MAGI1: variants seen among roughly 807,000 people sequenced by gnomAD.
MAGI1 encodes membrane associated guanylate kinase, WW and PDZ domain containing 1.
In MAGI1, 58 loss-of-function variants were observed where a neutral mutation model predicts 139.9. The observed-to-expected ratio is 0.41, with a 90% CI of 0.34 to 0.52. MAGI1 has a LOEUF of 0.52. MAGI1 is among the 20% of genes least tolerant of loss of function. MAGI1 has a pLI of 0.12. For missense variants in MAGI1, 1,874 were observed against 1,901.6 expected, an observed-to-expected ratio of 0.99 and a Z score of 0.27; for synonymous variants, 812 against 737.9, an observed-to-expected ratio of 1.10 and a Z score of -1.63.
intron 1 of MAGI1, among the ~76,000 whole-genome samples, chr3:66,036,085 G>C (rs983198405): frequency 1.3e-5 from 2 of 152,154 alleles, no homozygotes; most frequent in Admixed American, 1.3e-4. Flanking sequence ...ACTGAGACCT[G>C]CAGCTGCTCC....
At chr3:65,711,656 T>C (rs937940525) in intron 1 of MAGI1, among the ~76,000 whole-genome samples, 2 of 152,058 alleles carry the variant, frequency 1.3e-5, no homozygotes, top group South Asian at 2.1e-4. Flanking sequence ...TCCAATACAA[T>C]TGGTGTCCTG....
chr3:65,425,521 T>C (rs915937583), intron 12 of MAGI1, among the ~76,000 whole-genome samples: 1 of 152,152 alleles, frequency 6.6e-6, no homozygotes, highest in Non-Finnish European at 1.5e-5. Context: ...AAAACATTCA[T>C]CTTTTAGATT....
In MAGI1 at chr3:65,964,339, C is replaced by T. The variant is rs564298238; in HGVS notation, c.313+73657G>A. Among the ~76,000 whole-genome samples, 14 of 152,164 alleles carry T rather than the reference C, an allele frequency of 9.2e-5. No homozygotes were observed. The South Asian group carries it at 2.9e-3, about 32-fold the overall frequency. ...CTCCCTACTGATATCAAAATCAGAC[C>T]CTACAAAGGAGAAAGAAAGGTCATC... On this transcript the variant is annotated intron_variant, in intron 1 of 22. Transcript: ENST00000402939.
chr3:65,705,655 C>A (rs952361841), intron 1 of MAGI1, among the ~76,000 whole-genome samples: 4 of 152,208 alleles, frequency 2.6e-5, no homozygotes, highest in African/African-American at 7.2e-5. Flanking sequence ...CATAACAGAT[C>A]TTGAACATTT....
chr3:65,954,925 C>T (rs2064039496), intron 1 of MAGI1, among the ~76,000 whole-genome samples: 1 of 152,102 alleles, frequency 6.6e-6, no homozygotes, highest in Admixed American at 6.5e-5. Context: ...ACCCTCATAA[C>T]AAAAGAGGTA....
intron 3 of MAGI1, among the ~76,000 whole-genome samples, chr3:65,483,192 A>T (rs577222806): frequency 6.6e-6 from 1 of 152,098 alleles, no homozygotes; most frequent in Admixed American, 6.5e-5. Flanking sequence ...TTGGACAAAA[A>T]CTCTGGCTGT....
intron 1 of MAGI1, among the ~76,000 whole-genome samples, chr3:65,946,318 T>G (rs1306475888): frequency 6.6e-6 from 1 of 152,342 alleles, no homozygotes; most frequent in Admixed American, 6.5e-5. Context: ...GTCAGCGTCT[T>G]GTGGGCTATT....
chr3:65,619,879 T>A (rs905798262), intron 2 of MAGI1: 39 of 985,126 alleles, frequency 4.0e-5, no homozygotes, highest in Non-Finnish European at 4.1e-5. Context: ...GGAACACCAT[T>A]TCTGCTTTCC....
intron 10 of MAGI1, among the ~76,000 whole-genome samples, chr3:65,434,463 A>C (rs1947691921): frequency 6.6e-6 from 1 of 152,222 alleles, no homozygotes; most frequent in East Asian, 1.9e-4. Flanking sequence ...CCAAATTATC[A>C]CTTGCTAAGA....
chr3:65,431,291 T>G (rs945598885), intron 10 of MAGI1, among the ~76,000 whole-genome samples: 1 of 152,168 alleles, frequency 6.6e-6, no homozygotes, highest in Non-Finnish European at 1.5e-5. Context: ...ATGTGCTGCT[T>G]TGGGCCTGGC....
intron 1 of MAGI1, among the ~76,000 whole-genome samples, chr3:65,770,780 C>G (rs1424914691): frequency 6.6e-6 from 1 of 151,978 alleles, no homozygotes; most frequent in South Asian, 2.1e-4. Flanking sequence ...CCTCTGACTC[C>G]CTGGTTCAAG....
chr3:65,864,655 G>A (rs182629567), intron 1 of MAGI1, among the ~76,000 whole-genome samples: 122 of 152,298 alleles, frequency 8.0e-4, no homozygotes, highest in African/African-American at 2.7e-3. Flanking sequence ...AGGAGAAGGT[G>A]AAGAATGGAG....
intron 2 of MAGI1, among the ~76,000 whole-genome samples, chr3:65,497,964 T>C (rs1329960840): frequency 2.0e-5 from 3 of 152,152 alleles, no homozygotes; most frequent in Non-Finnish European, 2.9e-5. Context: ...ATGCTCAGGC[T>C]AGCAGGAGGT....
intron 1 of MAGI1, among the ~76,000 whole-genome samples, chr3:65,732,175 G>C (rs2034258517): frequency 6.6e-6 from 1 of 152,182 alleles, no homozygotes; most frequent in South Asian, 2.1e-4. Flanking sequence ...ACAGAATCTA[G>C]AGAAGAAAAG....
intron 1 of MAGI1, among the ~76,000 whole-genome samples, chr3:66,037,088 G>A (rs1439314397): frequency 6.6e-6 from 1 of 152,166 alleles, no homozygotes; most frequent in African/African-American, 2.4e-5. Flanking sequence ...TCTGCAGCAA[G>A]GGCTCAAACC....
intron 5 of MAGI1, among the ~76,000 whole-genome samples, chr3:65,468,367 CTTTTTTTTTTTT>C (rs71102860): frequency 2.1e-3 from 128 of 61,382 alleles, no homozygotes; most frequent in African/African-American, 8.8e-3. Context: ...AGAGGGTATT[CTTTTTTTTTTTT>C]TTTTTTTTTT....
chr3:65,623,663 T>A (rs971432847), intron 1 of MAGI1, among the ~76,000 whole-genome samples: 6 of 151,832 alleles, frequency 4.0e-5, no homozygotes, highest in African/African-American at 1.5e-4. Context: ...TCAAAAAGAG[T>A]AAATCATGAG....
rs1224218025 is a variant in MAGI1, at chr3:65,905,526, G to C, written c.313+132470C>G. 4.0e-5 allele frequency among the ~76,000 whole-genome samples: 6 copies of C among 150,408 alleles called. No homozygotes were observed. In the South Asian group the frequency reaches 1.1e-3, roughly 26 times the overall value. Reference sequence around the variant, plus strand: ...AAAAATTCTTTTTCTTATTTTTTTAGAGACAGGGTCTCACTCTGTCGCCCA... The same window carrying C: ...AAAAATTCTTTTTCTTATTTTTTTACAGACAGGGTCTCACTCTGTCGCCCA... On this transcript the variant is annotated intron_variant, in intron 1 of 22. Transcript: ENST00000402939.
In MAGI1 at chr3:65,391,270, C is replaced by T; in HGVS notation, c.2288G>A (p.Ser763Asn). The change falls in exon 14 of 23, where the codon AGC (serine) becomes AAC (asparagine). Residue 763 changes from serine to asparagine, a missense_variant. By Grantham distance (46) the Ser-to-Asn change is conservative (BLOSUM62 1). Transcript: ENST00000402939. ...TGGGAACTCGGGGAGCACCTGTGTG[C>T]TGTGGCTTGGGGATGCTGTGTGCAG... The part of the protein sequence containing the change: ...RSLHTASPSH[S>N]TQVLPEFPPA... The T allele has an allele frequency of 6.2e-7, 1 of 1,614,170 alleles. No individual in the cohort carries two copies. Among genetic ancestry groups the T allele is most frequent in the Non-Finnish European group, 8.5e-7 (1 of 1,180,048 alleles).
Sources: allele counts gnomAD v4.1 joint callset (sites outside exome capture counted in the v4.1 genomes callset), GRCh38; gene constraint gnomAD v4.1.1; transcripts MANE v1.5; gene names NCBI Gene and HGNC (gene_info 2026-07-23, HGNC 2026-07-21).